ESRRG: variants seen among roughly 807,000 people sequenced by gnomAD.
ESRRG encodes estrogen related receptor gamma, also known as estrogen-related receptor gamma.
In ESRRG, 13 loss-of-function variants were observed where a neutral mutation model predicts 44.0. That is an observed-to-expected ratio of 0.30 (90% CI 0.19 to 0.47). The LOEUF (loss-of-function observed/expected upper bound fraction) is 0.47, where lower values mean the gene tolerates loss of function less well. ESRRG is among the 20% of genes least tolerant of loss of function. ESRRG has a pLI of 1.00. For synonymous variants in ESRRG, 215 were observed against 214.6 expected (o/e 1.00, Z -0.02); for missense variants, 395 against 580.6 (o/e 0.68, Z 3.29).
chr1:216,756,462 A>C, intron 2 of ESRRG, among the ~76,000 whole-genome samples: 1 of 152,006 alleles, frequency 6.6e-6, no homozygotes, highest in Non-Finnish European at 1.5e-5. Context: ...ACTTGGACAC[A>C]ACAGGAGCTT....
At chr1:216,757,435 T>C (rs975106319) in intron 2 of ESRRG, among the ~76,000 whole-genome samples, 2 of 152,096 alleles carry the variant, frequency 1.3e-5, no homozygotes. Flanking sequence ...ATATATTTCT[T>C]TGTGTATAAA....
intron 1 of ESRRG, among the ~76,000 whole-genome samples, chr1:217,026,912 C>CACACACACACACAGAGAG (rs1255637839): frequency 1.1e-5 from 1 of 93,412 alleles, no homozygotes. Flanking sequence ...CACACACACA[C>CACACACACACACAGAGAG]AGAGAGAGAG....
At chr1:216,601,325 G>A (rs2059217030) in intron 3 of ESRRG, among the ~76,000 whole-genome samples, 1 of 152,116 alleles carries the variant, frequency 6.6e-6, no homozygotes, top group Non-Finnish European at 1.5e-5. Flanking sequence ...CCACCGCGGA[G>A]GGCGCTGCGC....
In ESRRG at chr1:217,052,199, A is replaced by C. The variant is rs77479130; in HGVS notation, c.-106+37308T>G. ...TAGAGGAAGACATACTAAGAATGCAAAATGGAATTACACCTTGGATTTTTA... is the reference window on the plus strand; with the variant it reads ...TAGAGGAAGACATACTAAGAATGCACAATGGAATTACACCTTGGATTTTTA... On this transcript the variant is annotated intron_variant, in intron 1 of 7. Transcript: ENST00000359162. Among the ~76,000 whole-genome samples the C allele has an allele frequency of 5.2e-3, 785 of 152,338 alleles. 7 individuals are homozygous for C. Among genetic ancestry groups the C allele is most frequent in the African/African-American group, 0.018 (746 of 41,582 alleles).
At position 216,879,012 on chromosome 1, in the gene ESRRG, C is replaced by T. The variant is rs12566709; in HGVS notation, c.-14+60570G>A. ...ACAACTATGTAGATGGACAAAAAAG[C>T]GCTAGGTGAGCATGGAGGCCAAAGA... On this transcript the variant is annotated intron_variant, in intron 2 of 7. Transcript: ENST00000359162. 2.9e-3 allele frequency among the ~76,000 whole-genome samples: 446 copies of T among 152,220 alleles called. 15 individuals carry two copies. The East Asian group carries it at 0.072, about 25-fold the overall frequency.
chr1:216,800,317 C>T (rs999452431), intron 2 of ESRRG, among the ~76,000 whole-genome samples: 18 of 152,092 alleles, frequency 1.2e-4, no homozygotes, highest in Admixed American at 6.6e-5. Flanking sequence ...TTCTCAATTG[C>T]CTTTTCATGG....
chr1:217,098,772 C>A (rs1176572606), intron 1 of ESRRG, among the ~76,000 whole-genome samples: 1 of 152,134 alleles, frequency 6.6e-6, no homozygotes, highest in African/African-American at 2.4e-5. Flanking sequence ...ATTTCCAAAG[C>A]GATTGAACAG....
At chr1:216,508,408 A>AT (rs1301731858) in intron 6 of ESRRG, among the ~76,000 whole-genome samples, 1 of 152,190 alleles carries the variant, frequency 6.6e-6, no homozygotes, top group Non-Finnish European at 1.5e-5. Flanking sequence ...TCTTTAAAAA[A>AT]TTTTTGAATA....
Position 216,503,436 on chromosome 1 carries a change from C to T in ESRRG, c.*3503G>A, listed in dbSNP as rs191756662. 6.6e-6 allele frequency: 1 copy of T among 152,562 alleles called. No homozygotes were observed. Among genetic ancestry groups the T allele is most frequent in the Admixed American group, 6.5e-5 (1 of 15,270 alleles). 9.5% of individuals were successfully genotyped at this position (152,562 alleles called of 1,614,324 possible). On this transcript the variant is annotated 3_prime_UTR_variant, in exon 7 of 7. Coordinates refer to ENST00000408911, the MANE Select transcript of ESRRG (RefSeq NM_001438.4). ...TTGCTGGAGCACACAGTATGGTACACATCACAAAAATATACAATTGATTGC... is the reference window on the plus strand; with the variant it reads ...TTGCTGGAGCACACAGTATGGTACATATCACAAAAATATACAATTGATTGC...
intron 1 of ESRRG, among the ~76,000 whole-genome samples, chr1:216,966,528 C>T (rs2070415155): frequency 6.6e-6 from 1 of 152,146 alleles, no homozygotes; most frequent in African/African-American, 2.4e-5. Flanking sequence ...ACTAGGAAAA[C>T]ATATGCCTTC....
Position 216,921,110 on chromosome 1 carries a change from G to A in ESRRG, c.-14+18472C>T, listed in dbSNP as rs552748940. Among the ~76,000 whole-genome samples, 3 of 152,236 alleles carry A rather than the reference G, an allele frequency of 2.0e-5. No individual in the cohort carries two copies. The South Asian group carries it at 6.2e-4, about 32-fold the overall frequency. On this transcript the variant is annotated intron_variant, in intron 2 of 7. Transcript: ENST00000359162. ...CAATTACTACATGACTTTGAATCCA[G>A]ATATTCAAAGAGTATATCATCTAAA... is the stretch of plus-strand genomic sequence containing the variant.
intron 1 of ESRRG, among the ~76,000 whole-genome samples, chr1:217,137,404 C>G (rs139312024): frequency 1.3e-5 from 2 of 152,170 alleles, no homozygotes; most frequent in Admixed American, 1.3e-4. Flanking sequence ...AGTAGCTCCC[C>G]CTGCGGGGTG....
intron 6 of ESRRG, among the ~76,000 whole-genome samples, chr1:216,508,503 T>C (rs905653426): frequency 2.0e-5 from 3 of 152,184 alleles, no homozygotes; most frequent in African/African-American, 7.2e-5. Flanking sequence ...TTTTTCCAAG[T>C]GGGAAATAGC....
intron 1 of ESRRG, among the ~76,000 whole-genome samples, chr1:217,053,133 T>TAA (rs71303007): frequency 0.061 from 7,312 of 118,896 alleles, 331 homozygotes; most frequent in Non-Finnish European, 0.065. Flanking sequence ...AATCCCATCT[T>TAA]AAAAAAAAAA....
At chr1:217,080,390 T>C (rs1246749859) in intron 1 of ESRRG, among the ~76,000 whole-genome samples, 4 of 152,152 alleles carry the variant, frequency 2.6e-5, no homozygotes, top group Non-Finnish European at 4.4e-5. Context: ...AGGTTATATG[T>C]GGCCTTCCAG....
chr1:216,624,244 G>T (rs150514074), intron 3 of ESRRG, among the ~76,000 whole-genome samples: 105 of 152,288 alleles, frequency 6.9e-4, no homozygotes, highest in Non-Finnish European at 1.1e-3. Context: ...CTCATTTCCA[G>T]CAATACTGTG....
intron 1 of ESRRG, among the ~76,000 whole-genome samples, chr1:217,128,167 C>T (rs538313985): frequency 6.6e-6 from 1 of 152,264 alleles, no homozygotes; most frequent in East Asian, 1.9e-4. Flanking sequence ...CCAGTGTCCA[C>T]CATAAGTCTT....
At chr1:216,803,934 C>A (rs1439217427) in intron 2 of ESRRG, among the ~76,000 whole-genome samples, 2 of 151,996 alleles carry the variant, frequency 1.3e-5, no homozygotes, top group African/African-American at 2.4e-5. Context: ...TCACATTAAA[C>A]AAGTAACTGG....
chr1:216,835,110 G>A (rs1234739111), intron 2 of ESRRG, among the ~76,000 whole-genome samples: 1 of 151,898 alleles, frequency 6.6e-6, no homozygotes, highest in African/African-American at 2.4e-5. Flanking sequence ...CTTTGTTTTT[G>A]GAATAAGAGA....
Sources: gnomAD v4.1 joint callset for allele counts (sites outside exome capture counted in the v4.1 genomes callset) on GRCh38, gnomAD v4.1.1 for gene constraint, MANE v1.5 for transcripts, NCBI Gene and HGNC (gene_info 2026-07-23, HGNC 2026-07-21) for gene names.